ZFYVE9: variants seen among roughly 807,000 people sequenced by gnomAD.
ZFYVE9 encodes zinc finger FYVE domain-containing protein 9.
ZFYVE9 carries 43 observed loss-of-function variants against 126.7 expected under a neutral mutation model. That is an observed-to-expected ratio of 0.34 (90% CI 0.27 to 0.44). The LOEUF (loss-of-function observed/expected upper bound fraction) is 0.44. ZFYVE9 is among the 20% of genes least tolerant of loss of function. The pLI, the probability that ZFYVE9 is intolerant of heterozygous loss-of-function variation, is 1.00. For missense variants in ZFYVE9, 1,476 were observed against 1,697.0 expected, an observed-to-expected ratio of 0.87 and a Z score of 2.29; for synonymous variants, 521 against 597.4, an observed-to-expected ratio of 0.87 and a Z score of 1.87.
chr1:52,164,505 C>T lies in ZFYVE9; in HGVS notation c.-143+22102C>T, dbSNP rs544350494. Among the ~76,000 whole-genome samples, 7 of 152,234 alleles carry T rather than the reference C, an allele frequency of 4.6e-5. No homozygotes were observed. In the East Asian group the frequency reaches 5.8e-4, roughly 13 times the overall value. On this transcript the variant is annotated intron_variant, in intron 1 of 18. Coordinates refer to ENST00000287727, the MANE Select transcript of ZFYVE9 (RefSeq NM_004799.4). The stretch of plus-strand genomic sequence containing the variant: ...TTGGGATTACAGGCAGGAGCCACTG[C>T]GCCAAGCCGACAATGAGTATATATC...
At chr1:52,303,346 C>T (rs1230457684) in intron 12 of ZFYVE9, among the ~76,000 whole-genome samples, 2 of 152,122 alleles carry the variant, frequency 1.3e-5, no homozygotes, top group Non-Finnish European at 1.5e-5. Flanking sequence ...GACCTTGAGT[C>T]CACCACTCTT....
chr1:52,337,903 T>C lies in ZFYVE9; in HGVS notation c.3802T>C (p.Trp1268Arg). The change falls in exon 16 of 19, where the codon TGG (tryptophan) becomes CGG (arginine). Residue 1268 changes from tryptophan to arginine, a missense_variant. Coordinates refer to ENST00000287727, the MANE Select transcript of ZFYVE9 (RefSeq NM_004799.4). ...ACCCCAGGAGCACATCCACATCCAG[T>C]GGGTGGATGATGACAAGAACGTTAG... Reference protein sequence around the residue: ...EEPQEHIHIQWVDDDKNVSKG... With the variant: ...EEPQEHIHIQRVDDDKNVSKG... 1 of 1,614,144 alleles carries C rather than the reference T, an allele frequency of 6.2e-7. No homozygotes were observed. Among genetic ancestry groups the C allele is most frequent in the Non-Finnish European group, 8.5e-7 (1 of 1,180,028 alleles).
intron 1 of ZFYVE9, among the ~76,000 whole-genome samples, chr1:52,177,138 C>A (rs1159514608): frequency 6.6e-6 from 1 of 151,864 alleles, no homozygotes; most frequent in Non-Finnish European, 1.5e-5. Context: ...CATCTTGGCT[C>A]CCCAGCCCGA....
chr1:52,276,827 A>G (rs1645752825), intron 8 of ZFYVE9, among the ~76,000 whole-genome samples: 1 of 152,156 alleles, frequency 6.6e-6, no homozygotes, highest in Non-Finnish European at 1.5e-5. Flanking sequence ...TCTCATTGCA[A>G]TTTAGATATT....
rs760586396 is a variant in ZFYVE9 at position 52,263,758 on chromosome 1, C to CCA, written c.2179-14_2179-13insAC. The stretch of plus-strand genomic sequence containing the variant: ...AAGTAAATTTTGTGTGTTCTTCCCC[C>CCA]CCCCCCCCCCACAGGTTTTCTGTGC... On this transcript the variant is annotated splice_polypyrimidine_tract_variant and intron_variant, in intron 4 of 18. Transcript: ENST00000287727. 1.3e-5 allele frequency: 9 copies of CCA among 686,106 alleles called. No homozygotes were observed. The highest frequency in any genetic ancestry group is 1.8e-5 in the Non-Finnish European group (8 of 450,204). The allele number at this position is 686,106 out of a possible 1,614,324, so 42.5% of individuals were successfully genotyped here.
At chr1:52,179,689 A>G (rs1644679018) in intron 1 of ZFYVE9, among the ~76,000 whole-genome samples, 1 of 150,672 alleles carries the variant, frequency 6.6e-6, no homozygotes, top group Non-Finnish European at 1.5e-5. Context: ...ACAAAAGGAG[A>G]CAAAGAAAAG....
intron 1 of ZFYVE9, among the ~76,000 whole-genome samples, chr1:52,161,744 T>C (rs1644461793): frequency 6.6e-6 from 1 of 152,208 alleles, no homozygotes; most frequent in South Asian, 2.1e-4. Flanking sequence ...TTTCTGCACC[T>C]AACTACTTGA....
intron 4 of ZFYVE9, among the ~76,000 whole-genome samples, chr1:52,255,954 TTTTCTTTTCTTTTCTTTC>T (rs1429828255): frequency 8.4e-5 from 9 of 107,126 alleles, no homozygotes; most frequent in African/African-American, 5.1e-4. Context: ...TTTTCTTTTC[TTTTCTTTTCTTTTCTTTC>T]TTTCTTTCTT....
chr1:52,297,470 C>T (rs942248846), intron 12 of ZFYVE9, among the ~76,000 whole-genome samples: 1 of 151,902 alleles, frequency 6.6e-6, no homozygotes, highest in Admixed American at 6.6e-5. Flanking sequence ...AACTCCTGAC[C>T]TCAGGTGATC....
chr1:52,286,167 A>C (rs1213771288), intron 10 of ZFYVE9, among the ~76,000 whole-genome samples: 1 of 152,136 alleles, frequency 6.6e-6, no homozygotes, highest in East Asian at 1.9e-4. Flanking sequence ...AAAAAAAAAA[A>C]AAAACGTATC....
intron 12 of ZFYVE9, among the ~76,000 whole-genome samples, chr1:52,301,698 G>A (rs773508157): frequency 6.6e-6 from 1 of 152,128 alleles, no homozygotes; most frequent in Non-Finnish European, 1.5e-5. Context: ...TCCCGTACTT[G>A]GGGTTCATTG....
chr1:52,200,625 T>C (rs1489668840), intron 1 of ZFYVE9, among the ~76,000 whole-genome samples: 3 of 152,240 alleles, frequency 2.0e-5, no homozygotes, highest in Non-Finnish European at 1.5e-5. Flanking sequence ...AGCAGTTTAA[T>C]AGTTTTGTGT....
intron 4 of ZFYVE9, among the ~76,000 whole-genome samples, chr1:52,250,057 T>C (rs2124645004): frequency 6.6e-6 from 1 of 152,346 alleles, no homozygotes; most frequent in East Asian, 1.9e-4. Flanking sequence ...GTGAGTCCTC[T>C]GGGGTTGTAG....
chr1:52,334,796 A>G (rs200394977), intron 15 of ZFYVE9, 28 bp downstream of exon 15: 29 of 1,593,704 alleles, frequency 1.8e-5, no homozygotes, highest in African/African-American at 5.4e-5. Flanking sequence ...CAGTCCTCAT[A>G]ATAAGGACTG....
chr1:52,198,829 G>A (rs1220484779), intron 1 of ZFYVE9, among the ~76,000 whole-genome samples: 1 of 152,036 alleles, frequency 6.6e-6, no homozygotes, highest in Non-Finnish European at 1.5e-5. Context: ...TATAGCCTCC[G>A]CCATTATCAA....
At chr1:52,338,039 C>A in intron 16 of ZFYVE9, 105 bp downstream of exon 16, 1 of 1,363,730 alleles carries the variant, frequency 7.3e-7, no homozygotes, top group Admixed American at 2.7e-5. Context: ...GAAAGCCCTG[C>A]CTAAGAGAAA....
intron 1 of ZFYVE9, among the ~76,000 whole-genome samples, chr1:52,200,238 G>A (rs1644911154): frequency 6.6e-6 from 1 of 151,938 alleles, no homozygotes; most frequent in African/African-American, 2.4e-5. Context: ...GAGTGCAGTG[G>A]TGCAATCACA....
intron 2 of ZFYVE9, among the ~76,000 whole-genome samples, chr1:52,223,466 C>T (rs1002924653): frequency 6.6e-5 from 10 of 152,166 alleles, no homozygotes; most frequent in Non-Finnish European, 1.2e-4. Flanking sequence ...TCTCTACATA[C>T]ACCTTTTGGG....
At chr1:52,233,442 C>G (rs1046186296) in intron 3 of ZFYVE9, among the ~76,000 whole-genome samples, 166 bp downstream of exon 3, 21 of 152,158 alleles carry the variant, frequency 1.4e-4, no homozygotes, top group African/African-American at 4.8e-4. Flanking sequence ...GCACTAAATG[C>G]CAGATACTTA....
Sources: allele counts gnomAD v4.1 joint callset (sites outside exome capture counted in the v4.1 genomes callset), GRCh38; gene constraint gnomAD v4.1.1; transcripts MANE v1.5; gene names NCBI Gene and HGNC (gene_info 2026-07-23, HGNC 2026-07-21).